DNAH6: variants seen among roughly 807,000 people sequenced by gnomAD.
DNAH6 encodes dynein axonemal heavy chain 6, also known as axonemal beta dynein heavy chain 6.
DNAH6 carries 340 observed loss-of-function variants against 491.4 expected under a neutral mutation model. The ratio of observed to expected loss-of-function variants is 0.69; its 90% CI spans 0.63 to 0.76. DNAH6 has a LOEUF of 0.76. Ranked by LOEUF, DNAH6 falls within the 30% of genes least tolerant of loss-of-function variation. The probability of loss-of-function intolerance (pLI) is 0.00; values close to 1 mark genes in which losing one functional copy is unlikely to be tolerated. For missense variants in DNAH6, 4,443 were observed against 4,972.2 expected, an observed-to-expected ratio of 0.89 and a Z score of 3.20; for synonymous variants, 1,603 against 1,686.1, an observed-to-expected ratio of 0.95 and a Z score of 1.21.
intron 32 of DNAH6, among the ~76,000 whole-genome samples, chr2:84,641,646 A>G (rs1330102028): frequency 1.3e-5 from 2 of 152,226 alleles, no homozygotes; most frequent in Non-Finnish European, 2.9e-5. Context: ...GGAGAAAAGA[A>G]AATCACAGCG....
Position 84,619,757 on chromosome 2 carries a change from A to G in DNAH6, c.3645A>G (p.Pro1215=), listed in dbSNP as rs947723298. 1.9e-6 allele frequency: 3 copies of G among 1,551,592 alleles called. No homozygotes were observed. The highest frequency in any genetic ancestry group is 3.9e-5 in the Admixed American group (2 of 50,962). Residue 1215 remains proline (P), a synonymous_variant, in exon 24 of 77, where the codon CCA becomes CCG. Transcript: ENST00000389394. The part of the protein sequence containing the change: ...AQTRNPQAVQ[P]HLRKCFDSIS... ...CACGAAATCCACAGGCCGTGCAGCC[A>G]CACTTAAGGAAATGCTTCGACTCCA...
chr2:84,813,185 A>G (rs1034667194), intron 74 of DNAH6, 55 bp downstream of exon 74: 1 of 1,256,874 alleles, frequency 8.0e-7, no homozygotes, highest in Admixed American at 2.0e-5. Context: ...TCTCATACAC[A>G]GGGTTTTGAG....
chr2:84,615,120 A>G (rs546469538), intron 22 of DNAH6, among the ~76,000 whole-genome samples: 5 of 152,214 alleles, frequency 3.3e-5, no homozygotes, highest in South Asian at 2.1e-4. Flanking sequence ...GCGTAAGCCA[A>G]TGTCAAGAGG....
chr2:84,675,252 C>T (rs1371035667), intron 40 of DNAH6, among the ~76,000 whole-genome samples: 1 of 152,128 alleles, frequency 6.6e-6, no homozygotes, highest in Non-Finnish European at 1.5e-5. Context: ...AGACTCTGAG[C>T]TCCTGACCTC....
At chr2:84,795,646 A>G (rs1361908085) in intron 68 of DNAH6, among the ~76,000 whole-genome samples, 1 of 152,206 alleles carries the variant, frequency 6.6e-6, no homozygotes, top group Non-Finnish European at 1.5e-5. Context: ...AATTGTAGCA[A>G]TGGATCTGGA....
chr2:84,530,505 GGATATATCGT>G (rs1677064339), intron 4 of DNAH6, among the ~76,000 whole-genome samples: 1 of 152,150 alleles, frequency 6.6e-6, no homozygotes, highest in Non-Finnish European at 1.5e-5. Flanking sequence ...AAGAGATAAA[GGATATATCGT>G]GCAAGACCTT....
At chr2:84,628,488 G>T (rs12464040) in intron 29 of DNAH6, among the ~76,000 whole-genome samples, 15,167 of 152,134 alleles carry the variant, frequency 0.1, 955 homozygotes, top group Non-Finnish European at 0.14. Flanking sequence ...CCTAGTTCCT[G>T]CTTCTCCAGG....
chr2:84,588,677 C>A, intron 15 of DNAH6, 149 bp from the exon 16 acceptor site: 1 of 771,454 alleles, frequency 1.3e-6, no homozygotes, highest in Non-Finnish European at 1.9e-6. Context: ...CTTTAAAATT[C>A]AGGAAAACAA....
chr2:84,501,062 G>T, the DNAH6 span, among the ~76,000 whole-genome samples: 1 of 152,128 alleles, frequency 6.6e-6, no homozygotes. Context: ...CCAGTACTAT[G>T]CTGAATAACA....
chr2:84,475,516 T>C, the DNAH6 span, among the ~76,000 whole-genome samples: 1 of 152,234 alleles, frequency 6.6e-6, no homozygotes, highest in South Asian at 2.1e-4. Context: ...CTTTTTTGTG[T>C]GTCCAAATTG....
At chr2:84,798,233 G>A (rs188289224) in intron 70 of DNAH6, among the ~76,000 whole-genome samples, 12 of 152,204 alleles carry the variant, frequency 7.9e-5, no homozygotes, top group Admixed American at 4.6e-4. Context: ...GCATGCACTC[G>A]AAGCTCTCCC....
Position 84,654,421 on chromosome 2 carries a change from G to T in DNAH6, c.5635-239G>T, listed in dbSNP as rs577747603. On this transcript the variant is annotated intron_variant, in intron 34 of 76. Coordinates refer to ENST00000389394, the MANE Select transcript of DNAH6 (RefSeq NM_001370.2). Reference sequence around the variant, plus strand: ...AAGAAAGAAAAAAATAACTAGCCCTGCCCATAGAGTTTGACAGTATCCTCC... The same window carrying T: ...AAGAAAGAAAAAAATAACTAGCCCTTCCCATAGAGTTTGACAGTATCCTCC... Among the ~76,000 whole-genome samples, 4 of 152,178 alleles carry T rather than the reference G, an allele frequency of 2.6e-5. No individual in the cohort carries two copies. The East Asian group carries it at 7.7e-4, about 29-fold the overall frequency.
At chr2:84,631,757 T>C (rs981069038) in intron 29 of DNAH6, among the ~76,000 whole-genome samples, 1 of 152,168 alleles carries the variant, frequency 6.6e-6, no homozygotes, top group South Asian at 2.1e-4. Flanking sequence ...CATGGCTTTG[T>C]TGATACCTTT....
chr2:84,694,239 A>G lies in DNAH6; in HGVS notation c.7293-10A>G. 1 of 1,550,430 alleles carries G rather than the reference A, an allele frequency of 6.4e-7. No homozygotes were observed. Among genetic ancestry groups the G allele is most frequent in the East Asian group, 2.4e-5 (1 of 40,918 alleles). Reference sequence around the variant, plus strand: ...AACTTGAAATAAACCCTCTGCTCTGATGTTTGCAGGATTGCTCGGATGATA... The same window carrying G: ...AACTTGAAATAAACCCTCTGCTCTGGTGTTTGCAGGATTGCTCGGATGATA... On this transcript the variant is annotated splice_polypyrimidine_tract_variant and intron_variant, in intron 45 of 76. Transcript: ENST00000389394.
At chr2:84,716,343 T>A (rs984164629) in intron 58 of DNAH6, among the ~76,000 whole-genome samples, 16 of 151,264 alleles carry the variant, frequency 1.1e-4, no homozygotes, top group African/African-American at 3.9e-4. Context: ...ATTAATTTTA[T>A]ATTTAATATA....
At chr2:84,524,452 T>C (rs1573496901) in intron 2 of DNAH6, among the ~76,000 whole-genome samples, 2 of 152,190 alleles carry the variant, frequency 1.3e-5, no homozygotes, top group East Asian at 3.9e-4. Context: ...TTAGTGTTGA[T>C]ATGTGTGGAT....
At chr2:84,640,739 G>T (rs763259339) in intron 32 of DNAH6, among the ~76,000 whole-genome samples, 161 bp downstream of exon 32, 1 of 152,164 alleles carries the variant, frequency 6.6e-6, no homozygotes, top group Admixed American at 6.5e-5. Flanking sequence ...GATTGACACA[G>T]GCTCTCTCTC....
intron 60 of DNAH6, 61 bp from the exon 61 acceptor site, chr2:84,727,608 T>G: frequency 9.3e-7 from 1 of 1,079,268 alleles, no homozygotes. Flanking sequence ...GAGACAGATT[T>G]TTTGTTCTCT....
chr2:84,764,872 A>G (rs1025209814), intron 64 of DNAH6, among the ~76,000 whole-genome samples: 2 of 152,102 alleles, frequency 1.3e-5, no homozygotes, highest in African/African-American at 4.8e-5. Context: ...GCTACTGTGA[A>G]TAGTGTCAAG....
Sources: gnomAD v4.1 joint callset for allele counts (sites outside exome capture counted in the v4.1 genomes callset) on GRCh38, gnomAD v4.1.1 for gene constraint, MANE v1.5 for transcripts, NCBI Gene and HGNC (gene_info 2026-07-23, HGNC 2026-07-21) for gene names.